DLG2: variants seen among roughly 807,000 people sequenced by gnomAD.
DLG2 encodes disks large homolog 2.
DLG2 carries 45 observed loss-of-function variants against 132.5 expected under a neutral mutation model. The ratio of observed to expected loss-of-function variants is 0.34; its 90% CI spans 0.27 to 0.44. The LOEUF is 0.44. DLG2 is among the 20% of genes least tolerant of loss of function. The pLI is 1.00. For synonymous variants in DLG2, 424 were observed against 419.6 expected, an observed-to-expected ratio of 1.01 and a Z score of -0.13; for missense variants, 1,045 against 1,196.9, an observed-to-expected ratio of 0.87 and a Z score of 1.87.
chr11:84,413,094 A>T (rs1303913652), intron 7 of DLG2, among the ~76,000 whole-genome samples: 1 of 152,166 alleles, frequency 6.6e-6, no homozygotes, highest in Non-Finnish European at 1.5e-5. Context: ...TGAATGAATG[A>T]CCTAGTTAGG....
intron 18 of DLG2, among the ~76,000 whole-genome samples, chr11:83,656,940 T>C (rs917531862): frequency 6.6e-6 from 1 of 152,114 alleles, no homozygotes; most frequent in Non-Finnish European, 1.5e-5. Flanking sequence ...TTTTTCATAC[T>C]TCCAGGTCTT....
At chr11:84,317,349 G>T (rs2098371377) in intron 7 of DLG2, 1 of 1,402,326 alleles carries the variant, frequency 7.1e-7, no homozygotes. Flanking sequence ...CGGGCTGGTA[G>T]CTCTTTGTCA....
intron 4 of DLG2, among the ~76,000 whole-genome samples, chr11:85,188,904 G>T (rs890816512): frequency 6.6e-6 from 1 of 152,038 alleles, no homozygotes; most frequent in Non-Finnish European, 1.5e-5. Context: ...GTCCCAAAAG[G>T]TGAAAACACT....
chr11:83,884,506 T>G (rs1237760977), intron 15 of DLG2, among the ~76,000 whole-genome samples: 3 of 152,152 alleles, frequency 2.0e-5, no homozygotes, highest in Non-Finnish European at 2.9e-5. Flanking sequence ...AGGATCCACC[T>G]CTGGGGGCAG....
chr11:83,860,445 C>G (rs556514614), intron 16 of DLG2, among the ~76,000 whole-genome samples: 1 of 152,282 alleles, frequency 6.6e-6, no homozygotes, highest in South Asian at 2.1e-4. Flanking sequence ...ATTTGACTGC[C>G]ACGCTGGATT....
chr11:84,654,557 T>A (rs1202911041), intron 6 of DLG2, among the ~76,000 whole-genome samples: 1 of 152,196 alleles, frequency 6.6e-6, no homozygotes, highest in Non-Finnish European at 1.5e-5. Context: ...AAATCTTGCC[T>A]ATAGTCACCA....
chr11:84,687,614 T>A (rs2099739244), intron 6 of DLG2, among the ~76,000 whole-genome samples: 2 of 152,174 alleles, frequency 1.3e-5, no homozygotes, highest in African/African-American at 4.8e-5. Flanking sequence ...TATGACTCAT[T>A]TGCACAATAG....
intron 19 of DLG2, among the ~76,000 whole-genome samples, chr11:83,568,702 A>T (rs1343855732): frequency 6.6e-6 from 1 of 152,182 alleles, no homozygotes; most frequent in East Asian, 1.9e-4. Context: ...ATAATGTGAT[A>T]ATGGTCAGTG....
intron 7 of DLG2, among the ~76,000 whole-genome samples, chr11:84,406,126 T>C (rs1326402081): frequency 6.6e-6 from 1 of 152,112 alleles, no homozygotes; most frequent in Non-Finnish European, 1.5e-5. Context: ...ATTTTGTCCA[T>C]TGATCTCTGA....
chr11:83,832,952 G>A (rs1208643719), intron 17 of DLG2, among the ~76,000 whole-genome samples: 1 of 152,098 alleles, frequency 6.6e-6, no homozygotes, highest in Non-Finnish European at 1.5e-5. Flanking sequence ...TTAGAGTATG[G>A]TTATGAGTTT....
chr11:84,890,599 T>C (rs1043070974), intron 6 of DLG2: 8 of 152,084 alleles, frequency 5.3e-5, no homozygotes, highest in Admixed American at 6.5e-5. Flanking sequence ...GTCATTATGG[T>C]TTTTCCTGTG....
intron 7 of DLG2, among the ~76,000 whole-genome samples, chr11:84,364,166 T>C (rs1207480450): frequency 3.3e-5 from 5 of 151,922 alleles, no homozygotes; most frequent in African/African-American, 1.2e-4. Context: ...TCCATTTGTT[T>C]GTATCCTCTT....
chr11:84,895,105 A>G (rs1454399491), intron 6 of DLG2, among the ~76,000 whole-genome samples: 4 of 152,358 alleles, frequency 2.6e-5, no homozygotes, highest in Admixed American at 2.6e-4. Flanking sequence ...TTGTAGAATT[A>G]TTACAAAATT....
intron 6 of DLG2, among the ~76,000 whole-genome samples, chr11:84,649,064 C>T (rs1326185812): frequency 2.0e-5 from 3 of 152,116 alleles, no homozygotes; most frequent in African/African-American, 7.2e-5. Context: ...GATTTCTCCT[C>T]CAATGATTCA....
chr11:83,873,061 T>C (rs531034374), intron 16 of DLG2, among the ~76,000 whole-genome samples: 5 of 152,326 alleles, frequency 3.3e-5, no homozygotes, highest in Admixed American at 3.3e-4. Flanking sequence ...TTAGCCTGAA[T>C]GTGGTTTATG....
chr11:84,401,017 T>C (rs2098827580), intron 7 of DLG2, among the ~76,000 whole-genome samples: 1 of 152,178 alleles, frequency 6.6e-6, no homozygotes, highest in South Asian at 2.1e-4. Context: ...ACATAACATG[T>C]ATCAAACACA....
Position 84,365,956 on chromosome 11 carries a change from C to T in DLG2, c.520-114665G>A, listed in dbSNP as rs543638708. ...GGCCAACATTCAGATTCAGGAAATACAGAGAATGCCACAGAGATACTCCTC... is the reference window on the plus strand; with the variant it reads ...GGCCAACATTCAGATTCAGGAAATATAGAGAATGCCACAGAGATACTCCTC... On this transcript the variant is annotated intron_variant, in intron 7 of 27. Coordinates refer to ENST00000376104, the MANE Select transcript of DLG2 (RefSeq NM_001142699.3). 1.4e-3 allele frequency among the ~76,000 whole-genome samples: 219 copies of T among 152,126 alleles called. 3 individuals are homozygous for T. The highest frequency in any genetic ancestry group is 0.012 in the Admixed American group (186 of 15,270).
intron 7 of DLG2, among the ~76,000 whole-genome samples, chr11:84,266,321 A>C (rs2154360803): frequency 6.6e-6 from 1 of 152,314 alleles, no homozygotes; most frequent in East Asian, 1.9e-4. Context: ...ATTCCACTTT[A>C]CCAGCAATCT....
At chr11:84,534,949 C>T in intron 6 of DLG2, 2 of 666,700 alleles carry the variant, frequency 3.0e-6, no homozygotes, top group South Asian at 1.6e-5. Flanking sequence ...AATGTCCAGA[C>T]TTGTTTCTGC....
Sources: allele counts gnomAD v4.1 joint callset (sites outside exome capture counted in the v4.1 genomes callset), GRCh38; gene constraint gnomAD v4.1.1; transcripts MANE v1.5; gene names NCBI Gene and HGNC (gene_info 2026-07-23, HGNC 2026-07-21).